The following MTCH2 variants were observed in gnomAD, a reference collection of about 807,000 sequenced individuals.
The protein encoded by MTCH2 is mitochondrial carrier 2.
MTCH2 carries 25 observed loss-of-function variants against 50.6 expected under a neutral mutation model. That is an observed-to-expected ratio of 0.49 (90% confidence interval 0.36 to 0.69). The LOEUF (loss-of-function observed/expected upper bound fraction) is 0.69, where lower values mean the gene tolerates loss of function less well. Among genes scored for constraint, MTCH2 ranks in the 30% least tolerant of loss-of-function variants. The probability of loss-of-function intolerance (pLI) is 0.00; values close to 1 mark genes in which losing one functional copy is unlikely to be tolerated. For synonymous variants in MTCH2, 106 were observed against 132.0 expected, an observed-to-expected ratio of 0.80 and a Z score of 1.35; for missense variants, 273 against 384.4, an observed-to-expected ratio of 0.71 and a Z score of 2.42.
chr11:47,633,114 CTT>C (rs11394531), intron 5 of MTCH2, among the ~76,000 whole-genome samples: 6 of 134,528 alleles, frequency 4.5e-5, no homozygotes, highest in Non-Finnish European at 6.2e-5. Context: ...TGTATCCCTG[CTT>C]TTTTTTTTTT....
intron 12 of MTCH2, among the ~76,000 whole-genome samples, chr11:47,622,116 G>C (rs1039347532): frequency 6.6e-6 from 1 of 151,918 alleles, no homozygotes; most frequent in Admixed American, 6.6e-5. Flanking sequence ...TGCCCACCTA[G>C]ACCTCTCGAA....
chr11:47,639,762 C>T (rs564719710), intron 1 of MTCH2, among the ~76,000 whole-genome samples: 2 of 152,056 alleles, frequency 1.3e-5, no homozygotes, highest in South Asian at 2.1e-4. Flanking sequence ...CACTTGAACC[C>T]GGGAGGCAGA....
At chr11:47,608,376 G>C in the MTCH2 span, among the ~76,000 whole-genome samples, 2 of 7,148 alleles carry the variant, frequency 2.8e-4, no homozygotes, top group South Asian at 0.025. Context: ...AGAACTTGCA[G>C]GCTTTTGAGA....
intron 1 of MTCH2, among the ~76,000 whole-genome samples, chr11:47,639,601 G>T (rs1359472961): frequency 2.6e-5 from 4 of 152,346 alleles, no homozygotes; most frequent in East Asian, 1.9e-4. Flanking sequence ...TACTTTGGGA[G>T]ACCGAGGGGG....
chr11:47,604,788 T>G, the MTCH2 span, among the ~76,000 whole-genome samples: 1 of 152,118 alleles, frequency 6.6e-6, no homozygotes, highest in Admixed American at 6.6e-5. Flanking sequence ...AAAAACAAGG[T>G]GCACAACATA....
downstream of MTCH2, among the ~76,000 whole-genome samples, chr11:47,613,892 T>A (rs2097286876): frequency 6.6e-6 from 1 of 152,074 alleles, no homozygotes; most frequent in Non-Finnish European, 1.5e-5. Flanking sequence ...AAGACCAGCC[T>A]AGCCAACATG....
chr11:47,619,706 C>G, intron 12 of MTCH2, among the ~76,000 whole-genome samples: 1 of 151,940 alleles, frequency 6.6e-6, no homozygotes, highest in East Asian at 1.9e-4. Context: ...TTTGAGAGAC[C>G]AAGGCAGGAG....
At chr11:47,626,187 C>T (rs2097298003) in intron 10 of MTCH2, among the ~76,000 whole-genome samples, 1 of 152,088 alleles carries the variant, frequency 6.6e-6, no homozygotes, top group Non-Finnish European at 1.5e-5. Flanking sequence ...GCTGGGATTA[C>T]GGGCATGCAC....
chr11:47,635,069 G>A (rs996492013), intron 4 of MTCH2, among the ~76,000 whole-genome samples: 6 of 150,350 alleles, frequency 4.0e-5, no homozygotes, highest in South Asian at 2.1e-4. Context: ...CACCATGGGC[G>A]GCCGATCTTG....
At chr11:47,635,685 TTTTG>T (rs2097307887) in intron 3 of MTCH2, 114 bp from the exon 4 acceptor site, 12 of 1,018,522 alleles carry the variant, frequency 1.2e-5, no homozygotes, top group Non-Finnish European at 1.6e-5. Context: ...TTTTTAAAGT[TTTTG>T]TTTTTTTTTT....
rs545292283 is a variant in MTCH2 at position 47,635,709 on chromosome 11, A to G, written c.280-138T>C. On this transcript the variant is annotated intron_variant, in intron 3 of 12. Transcript: ENST00000302503. ...TTTTTGTTTTTTTTTTTAAGCTGCAAATCTTCAGTTAACTTCTACTCATTA... is the reference window on the plus strand; with the variant it reads ...TTTTTGTTTTTTTTTTTAAGCTGCAGATCTTCAGTTAACTTCTACTCATTA... The G allele has an allele frequency of 2.0e-3, 1,427 of 725,940 alleles. 3 individuals carry two copies. Among genetic ancestry groups the G allele is most frequent in the Middle Eastern group, 0.011 (31 of 2,866 alleles). 45.0% of individuals were successfully genotyped at this position (725,940 alleles called of 1,614,324 possible).
intron 11 of MTCH2, among the ~76,000 whole-genome samples, chr11:47,624,194 TGCACTATA>T (rs2097295906): frequency 6.8e-6 from 1 of 147,654 alleles, no homozygotes; most frequent in Non-Finnish European, 1.5e-5. Flanking sequence ...ATTGCACCAC[TGCACTATA>T]GCCTGGGCAA....
At chr11:47,634,348 G>GGGATTACAGGCGTGAGCCACCACACCT (rs1366113371) in intron 5 of MTCH2, among the ~76,000 whole-genome samples, 7 of 152,080 alleles carry the variant, frequency 4.6e-5, no homozygotes, top group Non-Finnish European at 8.8e-5. Context: ...CCAAAGTGCT[G>GGGATTACAGGCGTGAGCCACCACACCT]GGATTACAGG....
chr11:47,619,093 C>G (rs1187626578), intron 12 of MTCH2, among the ~76,000 whole-genome samples, 174 bp from the exon 13 acceptor site: 2 of 152,234 alleles, frequency 1.3e-5, no homozygotes, highest in Non-Finnish European at 1.5e-5. Flanking sequence ...TATGAACTAA[C>G]TACAATTTCT....
chr11:47,631,709 T>C lies in MTCH2; in HGVS notation c.372A>G (p.Thr124=). The C allele has an allele frequency of 6.2e-7, 1 of 1,614,090 alleles. No individual in the cohort carries two copies. The highest frequency in any genetic ancestry group is 1.6e-4 in the Middle Eastern group (1 of 6,062). Residue 124 remains threonine, a splice_region_variant and synonymous_variant, in exon 6 of 13, where the codon ACA becomes ACG. Coordinates refer to ENST00000302503, the MANE Select transcript of MTCH2 (RefSeq NM_014342.4). ...SSSFDHVIKE[T]TREMIARSAA... ...CAGAACGAGCGATCATCTCTCGAGT[T>C]GTCTAGAAACAATCAACACACACTT...
chr11:47,620,662 C>A (rs1224032542), intron 12 of MTCH2, among the ~76,000 whole-genome samples: 2 of 151,980 alleles, frequency 1.3e-5, no homozygotes, highest in East Asian at 1.9e-4. Flanking sequence ...AAATAAAGAA[C>A]CAAATAAGTA....
At chr11:47,624,528 TG>T (rs2097296258) in intron 11 of MTCH2, among the ~76,000 whole-genome samples, 1 of 152,080 alleles carries the variant, frequency 6.6e-6, no homozygotes, top group African/African-American at 2.4e-5. Context: ...TGGCTGGGCA[TG>T]GTGGCTCACC....
Position 47,639,003 on chromosome 11 carries a change from G to A in MTCH2, c.136C>T (p.Arg46Trp), listed in dbSNP as rs1302866762. The change falls in exon 2 of 13, where the codon CGG (arginine) becomes TGG (tryptophan). Residue 46 changes from arginine to tryptophan, a missense_variant. By Grantham distance (101) the Arg-to-Trp change is moderately radical (BLOSUM62 -3). Around this residue, in one of 2 missense-constraint regions of MTCH2, gnomAD observed 203 missense variants for 244.3 expected, o/e 0.83. Coordinates refer to ENST00000302503, the MANE Select transcript of MTCH2 (RefSeq NM_014342.4). The stretch of plus-strand genomic sequence containing the variant: ...AGACCAGGAAGCTGACACACTTGCC[G>A]CCCAAAAATATTTCGTCCTATTGTT... ...PPTIGRNIFGRQVCQLPGLFS... is the reference protein window; with the variant it reads ...PPTIGRNIFGWQVCQLPGLFS... 8.7e-6 allele frequency: 14 copies of A among 1,603,658 alleles called. No homozygotes were observed. The highest frequency in any genetic ancestry group is 1.2e-5 in the Non-Finnish European group (14 of 1,176,368).
At chr11:47,605,180 G>A in the MTCH2 span, among the ~76,000 whole-genome samples, 2 of 152,032 alleles carry the variant, frequency 1.3e-5, no homozygotes, top group South Asian at 2.1e-4. Context: ...CGCCCGCCTC[G>A]GCCTCCCAAA....
Sources: allele counts gnomAD v4.1 joint callset (sites outside exome capture counted in the v4.1 genomes callset), GRCh38; gene constraint gnomAD v4.1.1; regional missense constraint gnomAD v4.1.1; transcripts MANE v1.5; gene names NCBI Gene and HGNC (gene_info 2026-07-23, HGNC 2026-07-21).